Variants in DACH1 observed in about 807,000 individuals in gnomAD.
DACH1 encodes dachshund homolog 1.
In DACH1, 12 loss-of-function variants were observed where a neutral mutation model predicts 54.2. The observed-to-expected ratio is 0.22, with a 90% CI of 0.14 to 0.36. The LOEUF (loss-of-function observed/expected upper bound fraction) is 0.36, where lower values mean the gene tolerates loss of function less well. Ranked by LOEUF, DACH1 falls within the 10% of genes least tolerant of loss-of-function variation. DACH1 has a pLI of 1.00. For synonymous variants in DACH1, 386 were observed against 366.2 expected, an observed-to-expected ratio of 1.05 and a Z score of -0.62; for missense variants, 805 against 929.8, an observed-to-expected ratio of 0.87 and a Z score of 1.75.
At chr13:71,787,384 T>C (rs551414111) in intron 1 of DACH1, among the ~76,000 whole-genome samples, 1 of 152,288 alleles carries the variant, frequency 6.6e-6, no homozygotes. Context: ...TTTAAAAAGG[T>C]AATCTTACTT....
chr13:71,595,456 A>G (rs1874029052), intron 3 of DACH1, among the ~76,000 whole-genome samples: 1 of 152,130 alleles, frequency 6.6e-6, no homozygotes, highest in African/African-American at 2.4e-5. Flanking sequence ...CTTGGAACTG[A>G]GTTCTGAGAC....
chr13:71,475,209 T>C lies in DACH1; in HGVS notation c.2015A>G (p.Asp672Gly), dbSNP rs757935862. Residue 672 changes from aspartate to glycine, a missense_variant and splice_region_variant, in exon 10 of 11, where the codon GAC (aspartate) becomes GGC (glycine). By Grantham distance (94) the Asp-to-Gly change is moderately conservative (BLOSUM62 -1). This residue lies in a region of DACH1 where 472 missense variants were observed against 545.3 expected (regional missense o/e 0.87). Transcript: ENST00000613252. ...AGCCTCTATCTCTGGGGTCAGAGAG[T>C]CTAAAAGCACAGAAAGGTAAGAGTG... ...ASTDSLRVLN[D>G]SLTPEIEADR... 6.2e-7 allele frequency: 1 copy of C among 1,612,764 alleles called. No individual in the cohort carries two copies. Among genetic ancestry groups the C allele is most frequent in the Non-Finnish European group, 8.5e-7 (1 of 1,178,806 alleles).
intron 6 of DACH1, among the ~76,000 whole-genome samples, chr13:71,528,711 TCATGATAGTTGTGTC>T (rs1251901385): frequency 6.6e-6 from 1 of 152,100 alleles, no homozygotes; most frequent in Admixed American, 6.5e-5. Flanking sequence ...CAGTTTCCCT[TCATGATAGTTGTGTC>T]CACCTAGACA....
At chr13:71,529,663 A>G (rs912562017) in intron 6 of DACH1, among the ~76,000 whole-genome samples, 2 of 152,226 alleles carry the variant, frequency 1.3e-5, no homozygotes, top group Admixed American at 6.5e-5. Context: ...AATTTTGTCA[A>G]ATGGAATAAT....
chr13:71,614,058 A>G (rs1270023695), intron 3 of DACH1, among the ~76,000 whole-genome samples: 3 of 152,204 alleles, frequency 2.0e-5, no homozygotes, highest in Non-Finnish European at 2.9e-5. Context: ...AAGACTGACC[A>G]AAGTCAGAGT....
chr13:71,774,916 A>T (rs1456600172), intron 1 of DACH1, among the ~76,000 whole-genome samples: 2 of 152,150 alleles, frequency 1.3e-5, no homozygotes, highest in East Asian at 3.9e-4. Context: ...CTTTACAAAC[A>T]TATCGCTAGG....
chr13:71,834,888 C>T (rs143708070), intron 1 of DACH1, among the ~76,000 whole-genome samples: 1 of 152,038 alleles, frequency 6.6e-6, no homozygotes, highest in African/African-American at 2.4e-5. Flanking sequence ...AAATCCCAGG[C>T]ATTGCATTTT....
intron 2 of DACH1, among the ~76,000 whole-genome samples, chr13:71,678,621 C>T (rs963414713): frequency 7.3e-5 from 11 of 151,452 alleles, no homozygotes; most frequent in African/African-American, 2.7e-4. Context: ...TTCTTCCTTC[C>T]TTCCTTCTTT....
chr13:71,550,391 C>T (rs1024865690), intron 6 of DACH1, among the ~76,000 whole-genome samples: 1 of 151,944 alleles, frequency 6.6e-6, no homozygotes, highest in African/African-American at 2.4e-5. Context: ...GGGCTGAACA[C>T]TAGTGGATAG....
intron 3 of DACH1, among the ~76,000 whole-genome samples, chr13:71,602,310 CA>C (rs1874553232): frequency 6.6e-6 from 1 of 151,894 alleles, no homozygotes; most frequent in Admixed American, 6.6e-5. Context: ...ATTATTTAGT[CA>C]AATAGAAAAC....
At chr13:71,538,620 C>T (rs189457947) in intron 6 of DACH1, among the ~76,000 whole-genome samples, 357 of 152,096 alleles carry the variant, frequency 2.3e-3, no homozygotes, top group African/African-American at 7.9e-3. Flanking sequence ...ATATTTAGAC[C>T]TTCACATGAA....
intron 1 of DACH1, among the ~76,000 whole-genome samples, chr13:71,714,961 G>C (rs1215148556): frequency 6.6e-6 from 1 of 151,888 alleles, no homozygotes; most frequent in Non-Finnish European, 1.5e-5. Context: ...ACTTAACTGA[G>C]AAAAAAGGGA....
At chr13:71,466,147 G>T (rs934052400) in intron 10 of DACH1, among the ~76,000 whole-genome samples, 2 of 152,020 alleles carry the variant, frequency 1.3e-5, no homozygotes, top group Admixed American at 6.6e-5. Context: ...TTTCACCGGT[G>T]CACTGTTTAA....
intron 10 of DACH1, among the ~76,000 whole-genome samples, chr13:71,461,928 T>C (rs375590414): frequency 1.3e-5 from 2 of 152,102 alleles, no homozygotes; most frequent in Non-Finnish European, 2.9e-5. Flanking sequence ...TCATAAGCCT[T>C]ATGAACTAAA....
intron 1 of DACH1, among the ~76,000 whole-genome samples, chr13:71,858,677 G>A (rs1874159388): frequency 6.6e-6 from 1 of 151,560 alleles, no homozygotes; most frequent in Non-Finnish European, 1.5e-5. Flanking sequence ...TCCAGTCCCT[G>A]GTAACCACCA....
intron 3 of DACH1, among the ~76,000 whole-genome samples, chr13:71,630,321 T>C (rs541439094): frequency 6.6e-6 from 1 of 152,326 alleles, no homozygotes; most frequent in South Asian, 2.1e-4. Context: ...ATTTTAGAAG[T>C]TGCAGACATA....
At chr13:71,645,598 A>G (rs1323412261) in intron 2 of DACH1, among the ~76,000 whole-genome samples, 4 of 152,192 alleles carry the variant, frequency 2.6e-5, no homozygotes, top group Non-Finnish European at 5.9e-5. Context: ...CAGGGAGGAT[A>G]AGAATAAGGA....
intron 4 of DACH1, among the ~76,000 whole-genome samples, chr13:71,567,408 G>A (rs573337479): frequency 2.0e-5 from 3 of 151,756 alleles, no homozygotes; most frequent in African/African-American, 4.8e-5. Context: ...ATAAAGCTGC[G>A]TATAAAATTT....
chr13:71,468,649 C>T (rs972475478), intron 10 of DACH1, among the ~76,000 whole-genome samples: 2 of 152,148 alleles, frequency 1.3e-5, no homozygotes, highest in Non-Finnish European at 2.9e-5. Flanking sequence ...AACTTCTATT[C>T]AAATGCATAC....
Sources: gnomAD v4.1 joint callset for allele counts (sites outside exome capture counted in the v4.1 genomes callset) on GRCh38, gnomAD v4.1.1 for gene constraint, gnomAD v4.1.1 regional missense constraint, MANE v1.5 for transcripts, NCBI Gene and HGNC (gene_info 2026-07-23, HGNC 2026-07-21) for gene names.